The following SOS1 variants were observed in gnomAD, a reference collection of about 807,000 sequenced individuals.
SOS1 encodes the protein son of sevenless homolog 1.
In SOS1, 25 loss-of-function variants were observed where a neutral mutation model predicts 157.6. The ratio of observed to expected loss-of-function variants is 0.16; its 90% confidence interval spans 0.12 to 0.22. The LOEUF (loss-of-function observed/expected upper bound fraction) is 0.22. Ranked by LOEUF, SOS1 falls within the 10% of genes least tolerant of loss-of-function variation. SOS1 has a pLI of 1.00. For missense variants in SOS1, 1,237 were observed against 1,599.1 expected (o/e 0.77, Z 3.86); for synonymous variants, 528 against 534.0 (o/e 0.99, Z 0.16).
At chr2:39,042,273 C>G (rs1213854823) in intron 6 of SOS1, among the ~76,000 whole-genome samples, 2 of 152,106 alleles carry the variant, frequency 1.3e-5, no homozygotes, top group Non-Finnish European at 2.9e-5. Flanking sequence ...GATCAGCTTG[C>G]TATGCATTAA....
At position 38,985,635 on chromosome 2, in the gene SOS1, A is replaced by T; in HGVS notation, c.*189T>A. 1 of 687,184 alleles carries T rather than the reference A, an allele frequency of 1.5e-6. No homozygotes were observed. Among genetic ancestry groups the T allele is most frequent in the East Asian group, 2.9e-5 (1 of 34,156 alleles). 42.6% of individuals were successfully genotyped at this position (687,184 alleles called of 1,614,324 possible). A position where few individuals can be genotyped will look rare whatever the true frequency, so the allele number is the denominator to read the frequency against. On this transcript the variant is annotated 3_prime_UTR_variant, in exon 23 of 23. Transcript: ENST00000402219. ...CTCTAGGTCGGTCTTTCCATATTCT[A>T]AACTGGAATACCATTTCCATTGTAT...
intron 1 of SOS1, among the ~76,000 whole-genome samples, chr2:39,071,846 T>G (rs959287497): frequency 1.3e-5 from 2 of 152,046 alleles, no homozygotes; most frequent in African/African-American, 4.8e-5. Flanking sequence ...GCATGCAGTT[T>G]CGCTCACACT....
chr2:39,118,721 C>T (rs12620003), intron 1 of SOS1, among the ~76,000 whole-genome samples: 29,171 of 152,060 alleles, frequency 0.19, 4,660 homozygotes, highest in African/African-American at 0.43. Context: ...CAAGAAAAGC[C>T]GAAAATTCAG....
intron 1 of SOS1, among the ~76,000 whole-genome samples, chr2:39,076,864 A>T (rs1672022502): frequency 6.6e-6 from 1 of 152,180 alleles, no homozygotes; most frequent in Non-Finnish European, 1.5e-5. Flanking sequence ...TCTAATTGAA[A>T]ACCCAAAAGA....
At chr2:39,036,173 T>C (rs916310387) in intron 6 of SOS1, among the ~76,000 whole-genome samples, 1 of 152,186 alleles carries the variant, frequency 6.6e-6, no homozygotes, top group African/African-American at 2.4e-5. Flanking sequence ...TTCTATCTTG[T>C]ATAAAACTAT....
At chr2:38,991,564 C>T (rs1487641518) in intron 20 of SOS1, among the ~76,000 whole-genome samples, 1 of 152,200 alleles carries the variant, frequency 6.6e-6, no homozygotes, top group East Asian at 1.9e-4. Context: ...CTGTCGTCAT[C>T]ACCTCAAAGG....
chr2:39,037,091 C>A (rs1670382673), intron 6 of SOS1, among the ~76,000 whole-genome samples: 1 of 152,372 alleles, frequency 6.6e-6, no homozygotes, highest in South Asian at 2.1e-4. Flanking sequence ...ATACTGGATT[C>A]CTTGAGCTGG....
chr2:39,081,826 AG>A (rs1034180770), intron 1 of SOS1, among the ~76,000 whole-genome samples: 1 of 152,180 alleles, frequency 6.6e-6, no homozygotes, highest in African/African-American at 2.4e-5. Context: ...AAAAAAAAAA[AG>A]AATGTTCATA....
In SOS1 at chr2:39,045,241, A is replaced by AGG. The variant is rs1670725309; in HGVS notation, c.864+5901_864+5902dup. On this transcript the variant is annotated intron_variant, in intron 6 of 22. Transcript: ENST00000402219. The stretch of plus-strand genomic sequence containing the variant: ...TTGAGTGTGAGGGAATGAGAGAGAG[A>AGG]GGGAGAGAGAGAGAGAGAGAGAGAG... Among the ~76,000 whole-genome samples, 9 of 26,854 alleles carry AGG rather than the reference A, an allele frequency of 3.4e-4. No homozygotes were observed. The South Asian group carries it at 3.8e-3, about 11-fold the overall frequency. 17.6% of individuals were successfully genotyped at this position (26,854 alleles called of 152,430 possible). A position where few individuals can be genotyped will look rare whatever the true frequency, so the allele number is the denominator to read the frequency against.
At chr2:39,027,830 A>ATT (rs375324523) in intron 8 of SOS1, among the ~76,000 whole-genome samples, 4 of 142,760 alleles carry the variant, frequency 2.8e-5, no homozygotes, top group African/African-American at 5.1e-5. Context: ...TCATATTATT[A>ATT]TTTTTTTTTT....
chr2:39,009,917 T>G (rs1669405110), intron 15 of SOS1, among the ~76,000 whole-genome samples: 1 of 152,164 alleles, frequency 6.6e-6, no homozygotes, highest in South Asian at 2.1e-4. Flanking sequence ...AATGCTACAT[T>G]AGAAAAACAT....
At chr2:39,085,665 G>A (rs1160246662) in intron 1 of SOS1, among the ~76,000 whole-genome samples, 1 of 152,154 alleles carries the variant, frequency 6.6e-6, no homozygotes. Context: ...TGATTTACTA[G>A]ATGAACTAAA....
intron 6 of SOS1, among the ~76,000 whole-genome samples, chr2:39,041,912 G>A (rs940459194): frequency 2.0e-5 from 3 of 152,044 alleles, no homozygotes; most frequent in Non-Finnish European, 4.4e-5. Context: ...TGTGAATTAT[G>A]TGTTATGGAA....
intron 1 of SOS1, chr2:39,082,510 T>C (rs1672240472): frequency 6.6e-6 from 1 of 152,178 alleles, no homozygotes; most frequent in African/African-American, 2.4e-5. Flanking sequence ...CCCAGAGGTA[T>C]CTTACGGTAA....
Position 39,035,194 on chromosome 2 carries a change from A to C in SOS1, c.1074+18T>G, listed in dbSNP as rs1221427603. The C allele has an allele frequency of 6.4e-7, 1 of 1,555,718 alleles. No homozygotes were observed. ...CACACTTGAATATGTTACAAATAAC[A>C]ATAAAGAGTTTTCTTACCTTCAAAA... On this transcript the variant is annotated intron_variant, in intron 8 of 22. Coordinates refer to ENST00000402219, the MANE Select transcript of SOS1 (RefSeq NM_005633.4).
At chr2:39,007,250 G>T in intron 15 of SOS1, 57 bp from the exon 16 acceptor site, 1 of 1,099,762 alleles carries the variant, frequency 9.1e-7, no homozygotes, top group Non-Finnish European at 1.4e-6. Context: ...TAAAGTTATA[G>T]CTTAAAGAAT....
intron 6 of SOS1, among the ~76,000 whole-genome samples, chr2:39,044,391 C>T (rs1002746253): frequency 3.3e-5 from 5 of 152,132 alleles, no homozygotes; most frequent in African/African-American, 9.7e-5. Flanking sequence ...AATTCTGTTC[C>T]GTTACTTCCT....
At chr2:39,073,773 ACT>A (rs1558501144) in intron 1 of SOS1, among the ~76,000 whole-genome samples, 2 of 152,164 alleles carry the variant, frequency 1.3e-5, no homozygotes, top group South Asian at 2.1e-4. Flanking sequence ...GCCAGAAAAT[ACT>A]CTGTTGAATT....
intron 1 of SOS1, among the ~76,000 whole-genome samples, chr2:39,119,443 C>G (rs1402042616): frequency 6.6e-6 from 1 of 152,174 alleles, no homozygotes; most frequent in Non-Finnish European, 1.5e-5. Context: ...AATCTCCATT[C>G]TTAGTAGAAG....
Sources: allele counts gnomAD v4.1 joint callset (sites outside exome capture counted in the v4.1 genomes callset), GRCh38; gene constraint gnomAD v4.1.1; transcripts MANE v1.5; gene names NCBI Gene and HGNC (gene_info 2026-07-23, HGNC 2026-07-21).